RAB8B: variants seen among roughly 807,000 people sequenced by gnomAD.
RAB8B encodes RAB8B, member RAS oncogene family, also known as ras-related protein Rab-8B.
A neutral mutation model predicts 32.0 loss-of-function variants in RAB8B; 11 were observed. That is an observed-to-expected ratio of 0.34 (90% CI 0.22 to 0.57). RAB8B has a LOEUF of 0.57. Ranked by LOEUF, RAB8B falls within the 20% of genes least tolerant of loss-of-function variation. RAB8B has a pLI of 0.86. For synonymous variants in RAB8B, 103 were observed against 89.6 expected (o/e 1.15, Z -0.85); for missense variants, 190 against 258.5 (o/e 0.73, Z 1.82).
At chr15:63,242,791 G>T (rs1386259228) in intron 1 of RAB8B, among the ~76,000 whole-genome samples, 1 of 152,116 alleles carries the variant, frequency 6.6e-6, no homozygotes, top group African/African-American at 2.4e-5. Flanking sequence ...CTATATAGCA[G>T]TGGTCCCCAA....
intron 1 of RAB8B, among the ~76,000 whole-genome samples, chr15:63,239,248 G>A (rs986058563): frequency 1.3e-5 from 2 of 152,198 alleles, no homozygotes; most frequent in Non-Finnish European, 2.9e-5. Context: ...AATCCCTGGA[G>A]TAGCATCAGG....
At chr15:63,230,036 T>A (rs1192448802) in intron 1 of RAB8B, among the ~76,000 whole-genome samples, 1 of 150,898 alleles carries the variant, frequency 6.6e-6, no homozygotes, top group South Asian at 2.2e-4. Flanking sequence ...GGGAAAAATA[T>A]GCCATTTGTG....
rs1595748126 is a variant in RAB8B, at chr15:63,247,873, A to G, written c.186-1772A>G. ...TAACTACTCAACTGCCCTGGAACAT[A>G]GTGATTGGCTTCCTAGTGGTTTCCA... On this transcript the variant is annotated intron_variant, in intron 2 of 7. Transcript: ENST00000321437. 3.3e-5 allele frequency among the ~76,000 whole-genome samples: 5 copies of G among 152,314 alleles called. 1 individual carries two copies. In the East Asian group the frequency reaches 5.8e-4, roughly 18 times the overall value.
intron 1 of RAB8B, among the ~76,000 whole-genome samples, chr15:63,213,065 C>G (rs1249747957): frequency 2.0e-5 from 3 of 152,174 alleles, no homozygotes; most frequent in Non-Finnish European, 2.9e-5. Flanking sequence ...CTTCTTTCCT[C>G]CCTTCCTTCC....
intron 1 of RAB8B, among the ~76,000 whole-genome samples, chr15:63,233,625 T>G (rs575168046): frequency 2.7e-4 from 41 of 152,336 alleles, no homozygotes; most frequent in African/African-American, 9.6e-4. Context: ...GTATCTTTAT[T>G]GTTAATCAAA....
intron 1 of RAB8B, among the ~76,000 whole-genome samples, chr15:63,191,892 T>G (rs2037558653): frequency 6.6e-6 from 1 of 152,228 alleles, no homozygotes; most frequent in Non-Finnish European, 1.5e-5. Context: ...TAAAAATTAC[T>G]TTTCATTTTG....
At chr15:63,235,421 A>G (rs1281628415) in intron 1 of RAB8B, among the ~76,000 whole-genome samples, 1 of 152,166 alleles carries the variant, frequency 6.6e-6, no homozygotes, top group Non-Finnish European at 1.5e-5. Flanking sequence ...CCAGGTTACT[A>G]ATATTTGCTT....
intron 1 of RAB8B, among the ~76,000 whole-genome samples, chr15:63,200,787 A>C (rs1033195469): frequency 1.4e-4 from 22 of 152,380 alleles, no homozygotes; most frequent in African/African-American, 5.3e-4. Context: ...AGGTCACACA[A>C]AGCCTGACAT....
rs2038231826 is a variant in RAB8B, at chr15:63,264,760, T to C, written c.*1141T>C. On this transcript the variant is annotated 3_prime_UTR_variant, in exon 8 of 8. Transcript: ENST00000321437. ...CAGATGTTTTTAGAAATAAAAGTAC[T>C]TAGACCTAGTGCAGCCTCTAGGAAA... The C allele has an allele frequency of 6.6e-6, 1 of 152,234 alleles. No homozygotes were observed. Among genetic ancestry groups the C allele is most frequent in the Non-Finnish European group, 1.5e-5 (1 of 68,032 alleles). 9.4% of individuals were successfully genotyped at this position (152,234 alleles called of 1,614,324 possible). A position where few individuals can be genotyped will look rare whatever the true frequency, so the allele number is the denominator to read the frequency against.
At chr15:63,256,415 A>G (rs2038159099) in intron 4 of RAB8B, 90 bp from the exon 5 acceptor site, 1 of 896,022 alleles carries the variant, frequency 1.1e-6, no homozygotes, top group Admixed American at 2.7e-5. Context: ...TGTCTTATTA[A>G]ATTCATGTGT....
intron 1 of RAB8B, among the ~76,000 whole-genome samples, chr15:63,194,316 A>G (rs181628455): frequency 1.3e-5 from 2 of 152,346 alleles, no homozygotes; most frequent in East Asian, 3.9e-4. Context: ...AGTTGCTACT[A>G]TTCCTAATCA....
chr15:63,234,493 T>C (rs2037961914), intron 1 of RAB8B, among the ~76,000 whole-genome samples: 1 of 152,220 alleles, frequency 6.6e-6, no homozygotes. Context: ...CAAGTTCCTT[T>C]TCCCTGTTAG....
rs1012502599 is a variant in RAB8B, at chr15:63,248,630, C to T, written c.186-1015C>T. On this transcript the variant is annotated intron_variant, in intron 2 of 7. Transcript: ENST00000321437. This position sits in a 1 kb window ranked among gnomAD's most constrained non-coding sequence, Gnocchi z 4.4. ...CTGCAGAACTTGGATGCTGGTAACA[C>T]CCCCAGCCAGTAGCCCACCCTAATG... Among the ~76,000 whole-genome samples, 2 of 152,192 alleles carry T rather than the reference C, an allele frequency of 1.3e-5. No individual in the cohort carries two copies. The highest frequency in any genetic ancestry group is 1.9e-4 in the East Asian group (1 of 5,202).
In RAB8B at chr15:63,236,055, T is replaced by A. The variant is rs183274650; in HGVS notation, c.125-8701T>A. ...CTTTTTTTATTGGTCTTCGTGAATC[T>A]GCGTAAATTGCTGCATCTCTCTTGG... On this transcript the variant is annotated intron_variant, in intron 1 of 7. Coordinates refer to ENST00000321437, the MANE Select transcript of RAB8B (RefSeq NM_016530.3). Among the ~76,000 whole-genome samples the A allele has an allele frequency of 6.7e-3, 1,025 of 152,338 alleles. 12 individuals are homozygous for A. Among genetic ancestry groups the A allele is most frequent in the African/African-American group, 0.023 (959 of 41,572 alleles).
chr15:63,192,954 G>C (rs528762479), intron 1 of RAB8B, among the ~76,000 whole-genome samples: 25 of 152,270 alleles, frequency 1.6e-4, no homozygotes, highest in South Asian at 1.0e-3. Context: ...TTCACCAAAC[G>C]GTGTATGCCT....
rs1312885947 is a variant in RAB8B, at chr15:63,267,569, A to C, written c.*3950A>C. 1.3e-5 allele frequency: 2 copies of C among 152,168 alleles called. No homozygotes were observed. Among genetic ancestry groups the C allele is most frequent in the East Asian group, 1.9e-4 (1 of 5,186 alleles). The allele number at this position is 152,168 out of a possible 1,614,324, so 9.4% of individuals were successfully genotyped here. On this transcript the variant is annotated 3_prime_UTR_variant, in exon 8 of 8. Transcript: ENST00000321437. ...ATAACTATCCTACTGTACATGTTTA[A>C]ACATATTTTATTTTTGCTCCAATGG...
Position 63,248,378 on chromosome 15 carries a change from G to A in RAB8B, c.186-1267G>A, listed in dbSNP as rs1017449915. 3.3e-5 allele frequency among the ~76,000 whole-genome samples: 5 copies of A among 152,160 alleles called. No homozygotes were observed. The highest frequency in any genetic ancestry group is 9.7e-5 in the African/African-American group (4 of 41,434). On this transcript the variant is annotated intron_variant, in intron 2 of 7. Coordinates refer to ENST00000321437, the MANE Select transcript of RAB8B (RefSeq NM_016530.3). This position sits in a 1 kb window ranked among gnomAD's most constrained non-coding sequence, Gnocchi z 4.4. The stretch of plus-strand genomic sequence containing the variant: ...AATACAAAAATTAGCCTGGCGTGGT[G>A]GTGGGCTTCTGTAGTCCCAGCTACT...
intron 1 of RAB8B, among the ~76,000 whole-genome samples, chr15:63,233,871 G>A (rs2037956007): frequency 6.6e-6 from 1 of 152,140 alleles, no homozygotes; most frequent in Non-Finnish European, 1.5e-5. Flanking sequence ...GGTCAAAGGG[G>A]ATAGATAACC....
At position 63,262,187 on chromosome 15, in the gene RAB8B, A is replaced by C. The variant is rs560622937; in HGVS notation, c.481-505A>C. 4.6e-5 allele frequency among the ~76,000 whole-genome samples: 7 copies of C among 152,310 alleles called. No individual in the cohort carries two copies. In the East Asian group the frequency reaches 1.4e-3, roughly 29 times the overall value. On this transcript the variant is annotated intron_variant, in intron 6 of 7. Coordinates refer to ENST00000321437, the MANE Select transcript of RAB8B (RefSeq NM_016530.3). ...GATAGTCAGCATTTCCTAGATCAGC[A>C]CTGTGCCCTGCTCTAGGGAAGTGGG... is the stretch of plus-strand genomic sequence containing the variant.
Sources: allele counts gnomAD v4.1 joint callset (sites outside exome capture counted in the v4.1 genomes callset), GRCh38; gene constraint gnomAD v4.1.1; non-coding constraint Gnocchi (gnomAD v3.1); transcripts MANE v1.5; gene names NCBI Gene and HGNC (gene_info 2026-07-23, HGNC 2026-07-21).